Variants in TAPT1 observed in about 807,000 individuals in gnomAD.
TAPT1 encodes the protein transmembrane anterior posterior transformation protein 1 homolog.
Under a neutral mutation model 65.6 loss-of-function variants are expected in TAPT1, and 28 were observed. The ratio of observed to expected loss-of-function variants is 0.43; its 90% CI spans 0.32 to 0.59. The LOEUF (loss-of-function observed/expected upper bound fraction) is 0.59. TAPT1 is among the 20% of genes least tolerant of loss of function. The pLI, the probability that TAPT1 is intolerant of heterozygous loss-of-function variation, is 0.09. For synonymous variants in TAPT1, 278 were observed against 245.2 expected (o/e 1.13, Z -1.25); for missense variants, 563 against 679.9 (o/e 0.83, Z 1.91).
At position 16,162,304 on chromosome 4, in the gene TAPT1, C is replaced by T. The variant is rs914097470; in HGVS notation, c.*1004G>A. 22 of 153,056 alleles carry T rather than the reference C, an allele frequency of 1.4e-4. No homozygotes were observed. The highest frequency in any genetic ancestry group is 5.3e-4 in the African/African-American group (22 of 41,422). The allele number at this position is 153,056 out of a possible 1,614,324, so 9.5% of individuals were successfully genotyped here. The stretch of plus-strand genomic sequence containing the variant: ...CCCTGCCCCAGCACAGGCACACTCG[C>T]TGTCGACCCAAACACAAAGACTAAT... On this transcript the variant is annotated 3_prime_UTR_variant, in exon 14 of 14. Transcript: ENST00000405303.
At chr4:16,193,851 T>C (rs1373111) in intron 3 of TAPT1, among the ~76,000 whole-genome samples, 316 of 152,300 alleles carry the variant, frequency 2.1e-3, no homozygotes, top group African/African-American at 7.3e-3. Context: ...GTCATGTTTA[T>C]AAATTAAAGA....
At chr4:16,222,760 G>A (rs915230536) in intron 1 of TAPT1, among the ~76,000 whole-genome samples, 1 of 152,180 alleles carries the variant, frequency 6.6e-6, no homozygotes, top group Non-Finnish European at 1.5e-5. Flanking sequence ...TAACAGAGGT[G>A]AAGCAAGAAG....
chr4:16,188,561 T>C (rs1453540530), intron 4 of TAPT1, among the ~76,000 whole-genome samples: 1 of 152,182 alleles, frequency 6.6e-6, no homozygotes, highest in Non-Finnish European at 1.5e-5. Context: ...TGTATAGAAT[T>C]TCAGTTAGAC....
Position 16,226,277 on chromosome 4 carries a change from T to C in TAPT1, c.181A>G (p.Arg61Gly). 2.7e-6 allele frequency: 3 copies of C among 1,124,732 alleles called. No homozygotes were observed. The highest frequency in any genetic ancestry group is 2.2e-6 in the Non-Finnish European group (2 of 920,246). The allele number at this position is 1,124,732 out of a possible 1,614,324, so 69.7% of individuals were successfully genotyped here. A position where few individuals can be genotyped will look rare whatever the true frequency, so the allele number is the denominator to read the frequency against. Residue 61 changes from arginine to glycine, a missense_variant, in exon 1 of 14, where the codon AGG becomes GGG. Coordinates refer to ENST00000405303, the MANE Select transcript of TAPT1 (RefSeq NM_153365.3). The part of the protein sequence containing the change: ...GFYESDRRRE[R>G]RRGRTELSLL... ...GCCTCACCTGTGCGGCCCCGGCGCC[T>C]CTCCCGCCGCCGGTCGCTCTCGTAG...
intron 4 of TAPT1, among the ~76,000 whole-genome samples, chr4:16,189,453 G>C (rs1749223881): frequency 6.6e-6 from 1 of 152,198 alleles, no homozygotes; most frequent in Non-Finnish European, 1.5e-5. Flanking sequence ...AAGATGTGCT[G>C]AATGAATAAC....
chr4:16,204,476 T>G (rs918328735), intron 2 of TAPT1, among the ~76,000 whole-genome samples: 4 of 152,272 alleles, frequency 2.6e-5, no homozygotes, highest in Admixed American at 2.0e-4. Flanking sequence ...TTTATCAAAA[T>G]GTACATGTTT....
intron 7 of TAPT1, among the ~76,000 whole-genome samples, chr4:16,182,682 T>C (rs747025412): frequency 6.6e-6 from 1 of 152,204 alleles, no homozygotes; most frequent in Non-Finnish European, 1.5e-5. Context: ...ACAGTTCACA[T>C]TACCAATGCG....
At chr4:16,174,923 G>T in intron 9 of TAPT1, 194 bp from the exon 10 acceptor site, 1 of 432,806 alleles carries the variant, frequency 2.3e-6, no homozygotes, top group African/African-American at 2.1e-5. Flanking sequence ...CCACCGAACT[G>T]TTAACATTCA....
chr4:16,225,167 T>C (rs568564000), intron 1 of TAPT1, among the ~76,000 whole-genome samples: 15 of 152,164 alleles, frequency 9.9e-5, no homozygotes, highest in African/African-American at 3.6e-4. Flanking sequence ...CCGTCTGTAA[T>C]TTTCCAAAAA....
Position 16,191,352 on chromosome 4 carries a change from G to T in TAPT1, c.612+9C>A. ...GGCCAGGCCTGTGCGGGGTAAGCAA[G>T]GCCCTTACCTCCAGCATGTTGTAGA... On this transcript the variant is annotated intron_variant, in intron 4 of 13. Coordinates refer to ENST00000405303, the MANE Select transcript of TAPT1 (RefSeq NM_153365.3). 1 of 1,594,846 alleles carries T rather than the reference G, an allele frequency of 6.3e-7. No homozygotes were observed. Among genetic ancestry groups the T allele is most frequent in the Middle Eastern group, 1.7e-4 (1 of 6,048 alleles).
chr4:16,181,660 C>T (rs1183927564), intron 7 of TAPT1, among the ~76,000 whole-genome samples: 2 of 152,176 alleles, frequency 1.3e-5, no homozygotes, highest in South Asian at 2.1e-4. Flanking sequence ...CTCCACCTCC[C>T]GGGTTCAAGC....
chr4:16,213,903 A>G lies in TAPT1; in HGVS notation c.200-5T>C. 1 of 1,580,854 alleles carries G rather than the reference A, an allele frequency of 6.3e-7. No homozygotes were observed. Among genetic ancestry groups the G allele is most frequent in the Non-Finnish European group, 8.5e-7 (1 of 1,171,552 alleles). The stretch of plus-strand genomic sequence containing the variant: ...GGAACCTCAACAATGAAAGCTCTAC[A>G]GAAAAGAAAATGACAGAAAACAAAA... On this transcript the variant is annotated splice_region_variant and splice_polypyrimidine_tract_variant and intron_variant, in intron 1 of 13. Transcript: ENST00000405303.
chr4:16,225,782 C>T, intron 1 of TAPT1: 1 of 618,842 alleles, frequency 1.6e-6, no homozygotes, highest in Non-Finnish European at 2.0e-6. Flanking sequence ...CACTACCACA[C>T]CGTCAGCTGT....
intron 7 of TAPT1, among the ~76,000 whole-genome samples, 182 bp from the exon 8 acceptor site, chr4:16,179,839 G>A (rs1281299878): frequency 6.9e-6 from 1 of 145,306 alleles, no homozygotes; most frequent in Non-Finnish European, 1.5e-5. Context: ...TATATAGGCT[G>A]GTGCTACCAT....
At chr4:16,227,260 T>G (rs529175843), upstream of TAPT1, 1 of 455,458 alleles carries the variant, frequency 2.2e-6, no homozygotes, top group East Asian at 7.0e-5. Context: ...CACACTGTCT[T>G]TCGGGACTGG....
intron 1 of TAPT1, among the ~76,000 whole-genome samples, chr4:16,216,398 T>C (rs144907108): frequency 6.6e-6 from 1 of 152,338 alleles, no homozygotes; most frequent in African/African-American, 2.4e-5. Flanking sequence ...TTCCTATAGA[T>C]TCCTAACTAA....
rs368354085 is a variant in TAPT1 at position 16,191,341 on chromosome 4, G to A, written c.612+20C>T. On this transcript the variant is annotated intron_variant, in intron 4 of 13. Transcript: ENST00000405303. ...CTGAGTGCCCTGGCCAGGCCTGTGC[G>A]GGGTAAGCAAGGCCCTTACCTCCAG... 3.5e-4 allele frequency: 562 copies of A among 1,587,532 alleles called. 13 individuals are homozygous for A. In the South Asian group the frequency reaches 5.7e-3, roughly 16 times the overall value.
chr4:16,195,707 A>T (rs1749670809), intron 3 of TAPT1, among the ~76,000 whole-genome samples: 1 of 152,236 alleles, frequency 6.6e-6, no homozygotes, highest in South Asian at 2.1e-4. Context: ...CAGTTAGAGC[A>T]TCTCTAGTTG....
At chr4:16,209,691 T>C (rs1215989415) in intron 2 of TAPT1, among the ~76,000 whole-genome samples, 2 of 152,148 alleles carry the variant, frequency 1.3e-5, no homozygotes, top group Non-Finnish European at 2.9e-5. Context: ...GAAGGAGAGA[T>C]CTGTCTGGAA....
Sources: gnomAD v4.1 joint callset for allele counts (sites outside exome capture counted in the v4.1 genomes callset) on GRCh38, gnomAD v4.1.1 for gene constraint, MANE v1.5 for transcripts, NCBI Gene and HGNC (gene_info 2026-07-23, HGNC 2026-07-21) for gene names.